Variants in ALK observed in about 807,000 individuals in gnomAD.
ALK encodes ALK tyrosine kinase receptor.
A neutral mutation model predicts 163.1 loss-of-function variants in ALK; 74 were observed. The observed-to-expected ratio is 0.45, with a 90% CI of 0.38 to 0.55. ALK has a LOEUF of 0.55. Among genes scored for constraint, ALK ranks in the 20% least tolerant of loss-of-function variants. The pLI is 0.00. For synonymous variants in ALK, 960 were observed against 843.2 expected, an observed-to-expected ratio of 1.14 and a Z score of -2.40; for missense variants, 2,063 against 2,105.3, an observed-to-expected ratio of 0.98 and a Z score of 0.39.
chr2:29,205,318 TAAG>T (rs1669283904), intron 26 of ALK, among the ~76,000 whole-genome samples: 2 of 152,220 alleles, frequency 1.3e-5, no homozygotes, highest in African/African-American at 4.8e-5. Flanking sequence ...ACTGGGATAT[TAAG>T]AAGCCAGTAG....
chr2:29,664,491 T>G (rs1438689938), intron 3 of ALK, among the ~76,000 whole-genome samples: 1 of 152,100 alleles, frequency 6.6e-6, no homozygotes. Context: ...TTACCTGGTC[T>G]TCTTGTGGCT....
chr2:29,267,605 C>T (rs1429485135), intron 11 of ALK, among the ~76,000 whole-genome samples: 3 of 152,168 alleles, frequency 2.0e-5, no homozygotes, highest in Non-Finnish European at 2.9e-5. Context: ...GGCAATTCCA[C>T]CTCTTGTTTC....
intron 4 of ALK, among the ~76,000 whole-genome samples, chr2:29,468,604 T>C (rs1671269834): frequency 1.3e-5 from 2 of 151,924 alleles, no homozygotes; most frequent in South Asian, 2.1e-4. Flanking sequence ...AATCCAACAC[T>C]CTGGGAGGCC....
chr2:29,336,635 A>G (rs1260050056), intron 5 of ALK, among the ~76,000 whole-genome samples: 5 of 152,210 alleles, frequency 3.3e-5, no homozygotes, highest in African/African-American at 1.2e-4. Flanking sequence ...CTAATTATGC[A>G]TTCGAAACAG....
intron 4 of ALK, among the ~76,000 whole-genome samples, chr2:29,495,264 T>C (rs946248987): frequency 6.6e-6 from 1 of 152,162 alleles, no homozygotes; most frequent in African/African-American, 2.4e-5. Flanking sequence ...TCCCTGGCTC[T>C]CTGGCTTCTG....
chr2:29,373,736 T>C (rs1022384586), intron 5 of ALK, among the ~76,000 whole-genome samples: 1 of 152,236 alleles, frequency 6.6e-6, no homozygotes, highest in Non-Finnish European at 1.5e-5. Context: ...GCGAATTTCC[T>C]TCCTGGTTCC....
rs2148178980 is a variant in ALK at position 29,227,155 on chromosome 2, C to A, written c.2915-81G>T. ...CCTCAGTACTATGTCTCCAGGTGGTCACTGTGGGTGCTCTGGTGGTCCCTG... is the reference window on the plus strand; with the variant it reads ...CCTCAGTACTATGTCTCCAGGTGGTAACTGTGGGTGCTCTGGTGGTCCCTG... On this transcript the variant is annotated intron_variant, in intron 17 of 28. Transcript: ENST00000389048. This position sits in a 1 kb window ranked among gnomAD's most constrained non-coding sequence, Gnocchi z 4.4. 1.3e-6 allele frequency: 2 copies of A among 1,589,446 alleles called. No homozygotes were observed. Among genetic ancestry groups the A allele is most frequent in the South Asian group, 2.2e-5 (2 of 90,184 alleles).
At chr2:29,649,234 G>A (rs1676971140) in intron 3 of ALK, among the ~76,000 whole-genome samples, 1 of 151,572 alleles carries the variant, frequency 6.6e-6, no homozygotes, top group South Asian at 2.1e-4. Flanking sequence ...GAGAGAGAGA[G>A]AGAGAGAGAA....
intron 2 of ALK, among the ~76,000 whole-genome samples, chr2:29,705,769 G>C (rs978256182): frequency 6.6e-6 from 1 of 152,232 alleles, no homozygotes; most frequent in Non-Finnish European, 1.5e-5. Flanking sequence ...AAATGCAATA[G>C]TGTATGTTGA....
Position 29,214,039 on chromosome 2 carries a change from C to T in ALK, c.3688G>A (p.Ala1230Thr), listed in dbSNP as rs375448626. 1 of 1,614,038 alleles carries T rather than the reference C, an allele frequency of 6.2e-7. No individual in the cohort carries two copies. Among genetic ancestry groups the T allele is most frequent in the Non-Finnish European group, 8.5e-7 (1 of 1,179,932 alleles). The change falls in exon 24 of 29, where the codon GCT (alanine) becomes ACT (threonine). Residue 1230 changes from alanine (A) to threonine (T), a missense_variant. Physicochemically the swap from Ala to Thr is moderately conservative, Grantham distance 58. This residue lies in a region of ALK where 83 missense variants were observed against 139.7 expected (regional missense o/e 0.59). Transcript: ENST00000389048. ...TGACAGCCACAGGCAATGTCCCGAG[C>T]CACGTGCAGAAGGTCCAGCATGGCC... The part of the protein sequence containing the change: ...SLAMLDLLHV[A>T]RDIACGCQYL...
chr2:29,867,815 T>C (rs1666475310), intron 1 of ALK, among the ~76,000 whole-genome samples: 1 of 152,242 alleles, frequency 6.6e-6, no homozygotes, highest in South Asian at 2.1e-4. Context: ...TTGACCTTCA[T>C]GCTTCTCAGG....
chr2:29,603,077 T>C (rs1675423070), intron 3 of ALK, among the ~76,000 whole-genome samples: 1 of 152,232 alleles, frequency 6.6e-6, no homozygotes, highest in East Asian at 1.9e-4. Flanking sequence ...TTAAGTTATT[T>C]ATTATCCAAA....
intron 1 of ALK, among the ~76,000 whole-genome samples, chr2:29,755,413 T>C (rs1016767250): frequency 5.3e-5 from 8 of 152,146 alleles, no homozygotes; most frequent in African/African-American, 1.9e-4. Context: ...AACCTTGCGG[T>C]TTTAGGGGAA....
intron 10 of ALK, 45 bp from the exon 11 acceptor site, chr2:29,275,272 T>C (rs202120694): frequency 3.2e-5 from 51 of 1,613,684 alleles, no homozygotes; most frequent in Middle Eastern, 1.7e-4. Context: ...TGAGGGTTGA[T>C]TTCAGGGTGA....
intron 1 of ALK, among the ~76,000 whole-genome samples, chr2:29,872,781 TTATAAC>T (rs1330882613): frequency 2.0e-5 from 3 of 152,238 alleles, no homozygotes; most frequent in Admixed American, 6.5e-5. Context: ...CTAAGGTCTC[TTATAAC>T]TATGTTTCTT....
intron 4 of ALK, among the ~76,000 whole-genome samples, chr2:29,517,904 C>T (rs1388573426): frequency 6.6e-6 from 1 of 152,198 alleles, no homozygotes; most frequent in African/African-American, 2.4e-5. Flanking sequence ...CTCGCCTCCC[C>T]TTCATCTCCT....
chr2:29,214,504 G>A (rs1327732729), intron 23 of ALK, among the ~76,000 whole-genome samples: 1 of 152,170 alleles, frequency 6.6e-6, no homozygotes, highest in Non-Finnish European at 1.5e-5. Flanking sequence ...GAATAGGGGA[G>A]TTTTAAAAAT....
chr2:29,670,828 T>A (rs981785015), intron 3 of ALK, among the ~76,000 whole-genome samples: 1 of 152,098 alleles, frequency 6.6e-6, no homozygotes, highest in African/African-American at 2.4e-5. Flanking sequence ...ATTTCTCAGT[T>A]CTAAGGTTTC....
At chr2:29,724,533 A>T (rs1007971077) in intron 1 of ALK, among the ~76,000 whole-genome samples, 4 of 152,038 alleles carry the variant, frequency 2.6e-5, no homozygotes, top group Non-Finnish European at 5.9e-5. Context: ...AATTTACATG[A>T]CTCCTAGAGT....
Sources: gnomAD v4.1 joint callset for allele counts (sites outside exome capture counted in the v4.1 genomes callset) on GRCh38, gnomAD v4.1.1 for gene constraint, gnomAD v4.1.1 regional missense constraint, Gnocchi (gnomAD v3.1) non-coding constraint, MANE v1.5 for transcripts, NCBI Gene and HGNC (gene_info 2026-07-23, HGNC 2026-07-21) for gene names.